The following KCNC2 variants were observed in gnomAD, a reference collection of about 807,000 sequenced individuals.
The protein encoded by KCNC2 is voltage-gated potassium channel KCNC2.
Under a neutral mutation model 44.5 loss-of-function variants are expected in KCNC2, and 21 were observed. The ratio of observed to expected loss-of-function variants is 0.47; its 90% CI spans 0.33 to 0.68. The LOEUF (loss-of-function observed/expected upper bound fraction) is 0.68. KCNC2 is among the 30% of genes least tolerant of loss of function. KCNC2 has a pLI of 0.01. For synonymous variants in KCNC2, 391 were observed against 339.1 expected (o/e 1.15, Z -1.68); for missense variants, 589 against 826.2 (o/e 0.71, Z 3.52).
intron 2 of KCNC2, among the ~76,000 whole-genome samples, chr12:75,140,631 T>C (rs1159434824): frequency 2.0e-5 from 3 of 151,912 alleles, no homozygotes; most frequent in Non-Finnish European, 4.4e-5. Context: ...TTGGGATACA[T>C]GTCTACTCAT....
chr12:75,071,219 A>G (rs917484570), intron 2 of KCNC2, among the ~76,000 whole-genome samples: 2 of 152,204 alleles, frequency 1.3e-5, no homozygotes, highest in African/African-American at 4.8e-5. Context: ...AAAAGGCATT[A>G]CATAATGCCA....
rs75751761 is a variant in KCNC2, at chr12:75,063,617, T to C, written c.688-12300A>G. Among the ~76,000 whole-genome samples the C allele has an allele frequency of 5.7e-3, 867 of 152,130 alleles. 6 individuals carry two copies. The highest frequency in any genetic ancestry group is 0.02 in the African/African-American group (826 of 41,518). Reference sequence around the variant, plus strand: ...GTGGGGGAGAGCTGAATAGGCAGAATTTACTAGAGGACAGACAATAGGTTG... The same window carrying C: ...GTGGGGGAGAGCTGAATAGGCAGAACTTACTAGAGGACAGACAATAGGTTG... On this transcript the variant is annotated intron_variant, in intron 2 of 4. Transcript: ENST00000549446.
chr12:75,192,013 A>T (rs1011707030), intron 2 of KCNC2, among the ~76,000 whole-genome samples: 5 of 152,142 alleles, frequency 3.3e-5, no homozygotes, highest in Non-Finnish European at 7.3e-5. Flanking sequence ...CACCTTTCTC[A>T]GTCCTGCTAT....
chr12:75,093,669 C>T (rs568650204), intron 2 of KCNC2, among the ~76,000 whole-genome samples: 1 of 151,596 alleles, frequency 6.6e-6, no homozygotes, highest in Non-Finnish European at 1.5e-5. Context: ...ATATGCTGAT[C>T]TTAACATAAT....
chr12:75,197,450 A>T (rs1266866427), intron 2 of KCNC2, among the ~76,000 whole-genome samples: 1 of 152,056 alleles, frequency 6.6e-6, no homozygotes, highest in African/African-American at 2.4e-5. Context: ...GTTAACCAAA[A>T]TGTCATCTTT....
chr12:75,162,474 T>C (rs1458621), intron 2 of KCNC2, among the ~76,000 whole-genome samples: 27,171 of 151,680 alleles, frequency 0.18, 2,619 homozygotes, highest in African/African-American at 0.21. Flanking sequence ...CTGATAGATA[T>C]GGCTTTGGGA....
chr12:75,169,725 A>C (rs1467102223), intron 2 of KCNC2, among the ~76,000 whole-genome samples: 1 of 151,446 alleles, frequency 6.6e-6, no homozygotes, highest in Non-Finnish European at 1.5e-5. Flanking sequence ...GAAATTTGAC[A>C]AATAAAGGGG....
In KCNC2 at chr12:75,086,673, AAAAAAAAAATATAT is replaced by A. The variant is rs1427482312; in HGVS notation, c.688-35370_688-35357del. Among the ~76,000 whole-genome samples the A allele has an allele frequency of 1.5e-3, 96 of 62,034 alleles. 2 individuals are homozygous for A. The highest frequency in any genetic ancestry group is 8.7e-3 in the African/African-American group (94 of 10,828). The allele number at this position is 62,034 out of a possible 152,430, so 40.7% of individuals were successfully genotyped here. A position where few individuals can be genotyped will look rare whatever the true frequency, so the allele number is the denominator to read the frequency against. On this transcript the variant is annotated intron_variant, in intron 2 of 4. Coordinates refer to ENST00000549446, the MANE Select transcript of KCNC2 (RefSeq NM_139137.4). ...AAGTTCATTTGGCAAAAAAAAAAAA[AAAAAAAAAATATAT>A]ATATATATATATACACACACATATT...
At chr12:75,131,285 G>T (rs1161919143) in intron 2 of KCNC2, among the ~76,000 whole-genome samples, 2 of 152,078 alleles carry the variant, frequency 1.3e-5, no homozygotes, top group African/African-American at 4.8e-5. Context: ...AATAATTTAT[G>T]ATAGATCTTA....
intron 2 of KCNC2, among the ~76,000 whole-genome samples, chr12:75,055,447 G>T (rs965225116): frequency 9.2e-5 from 14 of 152,128 alleles, no homozygotes; most frequent in African/African-American, 3.4e-4. Flanking sequence ...ATGGGGAAGA[G>T]AATCACACTG....
At chr12:75,093,187 G>A (rs1019012451) in intron 2 of KCNC2, among the ~76,000 whole-genome samples, 1 of 151,476 alleles carries the variant, frequency 6.6e-6, no homozygotes, top group East Asian at 1.9e-4. Flanking sequence ...AAAAATAAAT[G>A]TACATATTCA....
intron 2 of KCNC2, among the ~76,000 whole-genome samples, chr12:75,059,489 G>A (rs1193230082): frequency 6.6e-6 from 1 of 152,052 alleles, no homozygotes; most frequent in Non-Finnish European, 1.5e-5. Flanking sequence ...TATTAAGCAA[G>A]ATATAAAAGA....
rs1394081380 is a variant in KCNC2, at chr12:75,207,127, G to A, written c.687+170C>T. On this transcript the variant is annotated intron_variant, in intron 2 of 4. Transcript: ENST00000549446. The surrounding 1 kb of genome is among the most constrained non-coding windows in gnomAD (Gnocchi z 4.1). ...ATGGGACTGGGTAGGGATGGTGGCC[G>A]GGGTCCCTGGGTTTACCCTGCAAAG... 3.9e-5 allele frequency among the ~76,000 whole-genome samples: 6 copies of A among 152,118 alleles called. No homozygotes were observed. Among genetic ancestry groups the A allele is most frequent in the African/African-American group, 1.4e-4 (6 of 41,442 alleles).
At chr12:75,172,748 C>A (rs1891919691) in intron 2 of KCNC2, among the ~76,000 whole-genome samples, 1 of 151,842 alleles carries the variant, frequency 6.6e-6, no homozygotes, top group Admixed American at 6.6e-5. Flanking sequence ...GAATATGCCT[C>A]AACCAAGTTC....
intron 2 of KCNC2, among the ~76,000 whole-genome samples, chr12:75,164,101 C>G (rs1404589329): frequency 1.3e-5 from 2 of 151,666 alleles, no homozygotes; most frequent in African/African-American, 4.8e-5. Context: ...GCTCCCTGTT[C>G]CATGACTAGT....
At chr12:75,195,645 A>T (rs908502193) in intron 2 of KCNC2, among the ~76,000 whole-genome samples, 1 of 152,052 alleles carries the variant, frequency 6.6e-6, no homozygotes, top group Non-Finnish European at 1.5e-5. Flanking sequence ...TCAAGGTTCA[A>T]TGTTGTCTCC....
intron 2 of KCNC2, among the ~76,000 whole-genome samples, chr12:75,106,914 T>C (rs976892940): frequency 4.6e-5 from 7 of 152,228 alleles, no homozygotes; most frequent in African/African-American, 2.4e-5. Flanking sequence ...CATTGATATA[T>C]ACTAATGAAT....
chr12:75,184,427 C>A (rs1285874004), intron 2 of KCNC2, among the ~76,000 whole-genome samples: 1 of 152,144 alleles, frequency 6.6e-6, no homozygotes, highest in African/African-American at 2.4e-5. Context: ...TGAATTTAAT[C>A]ACTAATGATA....
In KCNC2 at chr12:75,051,265, C is replaced by A. The variant is rs756874870; in HGVS notation, c.740G>T (p.Cys247Phe). ...FFILVSITTF[C>F]LETHEAFNIV... ...ATTGAAAGCTTCATGTGTTTCCAGGCAAAAAGTTGTAATTGAAACCAGGAT... is the reference window on the plus strand; with the variant it reads ...ATTGAAAGCTTCATGTGTTTCCAGGAAAAAAGTTGTAATTGAAACCAGGAT... The change falls in exon 3 of 5, where the codon TGC becomes TTC. Residue 247 changes from cysteine to phenylalanine, a missense_variant. By Grantham distance (205) the Cys-to-Phe change is radical (BLOSUM62 -2). Around this residue, in one of 7 missense-constraint regions of KCNC2, gnomAD observed 26 missense variants for 50.4 expected, o/e 0.52. Coordinates refer to ENST00000549446, the MANE Select transcript of KCNC2 (RefSeq NM_139137.4). The A allele has an allele frequency of 1.3e-6, 2 of 1,598,104 alleles. No individual in the cohort carries two copies. The highest frequency in any genetic ancestry group is 8.6e-7 in the Non-Finnish European group (1 of 1,168,652).
Sources: gnomAD v4.1 joint callset for allele counts (sites outside exome capture counted in the v4.1 genomes callset) on GRCh38, gnomAD v4.1.1 for gene constraint, gnomAD v4.1.1 regional missense constraint, Gnocchi (gnomAD v3.1) non-coding constraint, MANE v1.5 for transcripts, NCBI Gene and HGNC (gene_info 2026-07-23, HGNC 2026-07-21) for gene names.